CCDC85A: variants seen among roughly 807,000 people sequenced by gnomAD.
The protein encoded by CCDC85A is coiled-coil domain containing 85A.
CCDC85A carries 38 observed loss-of-function variants against 50.2 expected under a neutral mutation model. That is an observed-to-expected ratio of 0.76 (90% CI 0.58 to 0.99). CCDC85A has a LOEUF of 0.99. Ranked by LOEUF, CCDC85A falls within the 50% of genes least tolerant of loss-of-function variation. CCDC85A has a pLI of 0.00. For missense variants in CCDC85A, 820 were observed against 742.0 expected (o/e 1.11, Z -1.22); for synonymous variants, 366 against 301.4 (o/e 1.21, Z -2.22).
chr2:56,269,471 G>A (rs1032564159), intron 2 of CCDC85A, among the ~76,000 whole-genome samples: 15 of 152,016 alleles, frequency 9.9e-5, no homozygotes, highest in African/African-American at 3.6e-4. Context: ...AACATTGCTA[G>A]GGCTCCTCCT....
intron 2 of CCDC85A, among the ~76,000 whole-genome samples, chr2:56,212,905 A>G (rs1677237207): frequency 6.6e-6 from 1 of 151,988 alleles, no homozygotes; most frequent in African/African-American, 2.4e-5. Context: ...GTAGCAGTTA[A>G]TAGTGGCTGT....
At chr2:56,372,299 A>C in intron 3 of CCDC85A, 45 bp from the exon 4 acceptor site, 1 of 1,459,134 alleles carries the variant, frequency 6.9e-7, no homozygotes, top group African/African-American at 1.4e-5. Flanking sequence ...GACTTGGGAA[A>C]CAGTATTTTT....
chr2:56,251,882 T>C (rs1669774794), intron 2 of CCDC85A, among the ~76,000 whole-genome samples: 1 of 152,204 alleles, frequency 6.6e-6, no homozygotes, highest in South Asian at 2.1e-4. Context: ...CTGATTTCTT[T>C]TTTTTCCTTT....
chr2:56,309,771 G>A (rs192186829), intron 2 of CCDC85A, among the ~76,000 whole-genome samples: 35 of 152,260 alleles, frequency 2.3e-4, no homozygotes, highest in African/African-American at 7.5e-4. Context: ...AAAAGGATGC[G>A]TGCTGAACAT....
chr2:56,380,026 T>A (rs1015592759), intron 5 of CCDC85A, among the ~76,000 whole-genome samples: 1 of 152,196 alleles, frequency 6.6e-6, no homozygotes, highest in Non-Finnish European at 1.5e-5. Flanking sequence ...ATTAATACAA[T>A]CATGTTACAG....
At chr2:56,185,496 G>A (rs909714522) in intron 1 of CCDC85A, among the ~76,000 whole-genome samples, 7 of 152,144 alleles carry the variant, frequency 4.6e-5, no homozygotes, top group African/African-American at 1.7e-4. Context: ...TCCCTCTCCC[G>A]GAGTTTGGAA....
At chr2:56,352,191 C>G (rs1024033302) in intron 3 of CCDC85A, among the ~76,000 whole-genome samples, 1 of 152,014 alleles carries the variant, frequency 6.6e-6, no homozygotes, top group Non-Finnish European at 1.5e-5. Flanking sequence ...CCTTCTGTAT[C>G]CTTTACATAT....
Position 56,363,769 on chromosome 2 carries a change from A to G in CCDC85A, c.1318-8575A>G, listed in dbSNP as rs77027584. Among the ~76,000 whole-genome samples the G allele has an allele frequency of 1.8e-4, 27 of 152,316 alleles. No homozygotes were observed. The East Asian group carries it at 5.2e-3, about 29-fold the overall frequency. ...GCATGCTGAGGTGTTTAACACAATT[A>G]TTAATCGGCTCTGGTCTGCAAGTCA... On this transcript the variant is annotated intron_variant, in intron 3 of 5. Coordinates refer to ENST00000407595, the MANE Select transcript of CCDC85A (RefSeq NM_001080433.2).
intron 2 of CCDC85A, among the ~76,000 whole-genome samples, chr2:56,291,777 T>G (rs868190203): frequency 2.3e-4 from 34 of 150,162 alleles, no homozygotes; most frequent in Middle Eastern, 3.5e-3. Flanking sequence ...GGAAGGCTTT[T>G]TTTTTTTTTT....
At chr2:56,350,163 T>TC (rs1329680926) in intron 3 of CCDC85A, among the ~76,000 whole-genome samples, 10 of 138,344 alleles carry the variant, frequency 7.2e-5, no homozygotes, top group East Asian at 6.3e-4. Flanking sequence ...CTTTTTTTTT[T>TC]CTTCTCTTAT....
intron 2 of CCDC85A, among the ~76,000 whole-genome samples, chr2:56,240,947 C>T (rs1669229601): frequency 6.6e-6 from 1 of 152,120 alleles, no homozygotes; most frequent in African/African-American, 2.4e-5. Context: ...GAAGAACTGA[C>T]AAGCTTTTCC....
intron 2 of CCDC85A, among the ~76,000 whole-genome samples, chr2:56,306,083 T>C (rs1414709121): frequency 6.6e-6 from 1 of 152,188 alleles, no homozygotes; most frequent in Non-Finnish European, 1.5e-5. Context: ...ACAGGAAGGC[T>C]GTGCCTGTCT....
chr2:56,241,338 T>C (rs1669248596), intron 2 of CCDC85A, among the ~76,000 whole-genome samples: 4 of 152,170 alleles, frequency 2.6e-5, no homozygotes, highest in Non-Finnish European at 5.9e-5. Context: ...CCAGTTATAC[T>C]CTTTTAGGTT....
chr2:56,195,509 T>C (rs1365961295), intron 2 of CCDC85A, among the ~76,000 whole-genome samples: 4 of 152,244 alleles, frequency 2.6e-5, no homozygotes, highest in African/African-American at 9.6e-5. Flanking sequence ...GCATTTGCAT[T>C]GTATTTTAAT....
intron 2 of CCDC85A, among the ~76,000 whole-genome samples, chr2:56,294,540 A>G (rs1297293474): frequency 6.6e-6 from 1 of 152,234 alleles, no homozygotes; most frequent in South Asian, 2.1e-4. Flanking sequence ...ACCTTGATCT[A>G]GGAATGGCTT....
At chr2:56,366,476 T>A (rs902128865) in intron 3 of CCDC85A, among the ~76,000 whole-genome samples, 6 of 152,246 alleles carry the variant, frequency 3.9e-5, no homozygotes, top group Non-Finnish European at 8.8e-5. Flanking sequence ...ATTGTGGTTT[T>A]AATTTGTATT....
chr2:56,265,889 A>G (rs1327050373), intron 2 of CCDC85A, among the ~76,000 whole-genome samples: 1 of 152,200 alleles, frequency 6.6e-6, no homozygotes, highest in East Asian at 1.9e-4. Context: ...TATGGAATCA[A>G]TCTAAGTGTC....
chr2:56,382,795 T>C (rs1676651945), intron 5 of CCDC85A, among the ~76,000 whole-genome samples: 1 of 152,022 alleles, frequency 6.6e-6, no homozygotes, highest in African/African-American at 2.4e-5. Flanking sequence ...ACTTTTGAGT[T>C]GTAACCAGCT....
At chr2:56,233,300 CTG>C (rs1200246030) in intron 2 of CCDC85A, among the ~76,000 whole-genome samples, 2 of 152,194 alleles carry the variant, frequency 1.3e-5, no homozygotes, top group African/African-American at 4.8e-5. Context: ...GACTGGAACA[CTG>C]TCTTTCTTAC....
Sources: allele counts gnomAD v4.1 joint callset (sites outside exome capture counted in the v4.1 genomes callset), GRCh38; gene constraint gnomAD v4.1.1; transcripts MANE v1.5; gene names NCBI Gene and HGNC (gene_info 2026-07-23, HGNC 2026-07-21).